TASP1: variants seen among roughly 807,000 people sequenced by gnomAD.
TASP1 encodes taspase 1.
Under a neutral mutation model 56.6 loss-of-function variants are expected in TASP1, and 16 were observed. The ratio of observed to expected loss-of-function variants is 0.28; its 90% CI spans 0.19 to 0.43. The LOEUF is 0.43. Among genes scored for constraint, TASP1 ranks in the 20% least tolerant of loss-of-function variants. The pLI is 1.00. For missense variants in TASP1, 393 were observed against 511.6 expected (o/e 0.77, Z 2.24); for synonymous variants, 179 against 184.2 (o/e 0.97, Z 0.23).
the TASP1 span, among the ~76,000 whole-genome samples, chr20:13,350,268 C>T: frequency 2.0e-5 from 3 of 152,058 alleles, no homozygotes; most frequent in East Asian, 5.8e-4. Flanking sequence ...ATACTGCATC[C>T]ATGGACTGGA....
At chr20:13,462,775 A>AAT (rs2044102218) in intron 11 of TASP1, among the ~76,000 whole-genome samples, 1 of 152,178 alleles carries the variant, frequency 6.6e-6, no homozygotes, top group African/African-American at 2.4e-5. Context: ...ATCCATTTAC[A>AAT]ATAGCATTAA....
At chr20:13,420,770 A>G (rs1041589029) in intron 12 of TASP1, among the ~76,000 whole-genome samples, 1 of 152,202 alleles carries the variant, frequency 6.6e-6, no homozygotes, top group Non-Finnish European at 1.5e-5. Flanking sequence ...TGAGGCTCAG[A>G]GAAGGGAAGC....
At chr20:13,214,062 A>G in the TASP1 span, among the ~76,000 whole-genome samples, 1 of 152,188 alleles carries the variant, frequency 6.6e-6, no homozygotes, top group Non-Finnish European at 1.5e-5. Context: ...GACAGAAAAG[A>G]GTCGCTGTAA....
At chr20:13,473,500 C>T (rs899881499) in intron 11 of TASP1, among the ~76,000 whole-genome samples, 1 of 151,964 alleles carries the variant, frequency 6.6e-6, no homozygotes, top group South Asian at 2.1e-4. Flanking sequence ...AATAATATAT[C>T]TTAAAAAAAC....
At chr20:13,581,865 A>C (rs2047137902) in intron 5 of TASP1, among the ~76,000 whole-genome samples, 1 of 152,204 alleles carries the variant, frequency 6.6e-6, no homozygotes, top group Admixed American at 6.5e-5. Flanking sequence ...ATTAATGAGA[A>C]AACATTTATA....
At chr20:13,393,723 C>A in intron 13 of TASP1, 1 of 879,206 alleles carries the variant, frequency 1.1e-6, no homozygotes, top group Non-Finnish European at 1.8e-6. Context: ...AAGAGAGAGG[C>A]CCTCAGCTGC....
At chr20:13,338,572 A>C in the TASP1 span, among the ~76,000 whole-genome samples, 1 of 152,176 alleles carries the variant, frequency 6.6e-6, no homozygotes, top group Non-Finnish European at 1.5e-5. Context: ...AATAAGTCCT[A>C]CCATGATGAA....
chr20:13,279,784 G>C, the TASP1 span: 1 of 1,614,034 alleles, frequency 6.2e-7, no homozygotes, highest in Non-Finnish European at 8.5e-7. Flanking sequence ...CGGGGACCAG[G>C]ACTACAAGTA....
chr20:13,186,347 T>C, the TASP1 span, among the ~76,000 whole-genome samples: 1 of 152,200 alleles, frequency 6.6e-6, no homozygotes, highest in Admixed American at 6.5e-5. Context: ...GGGAAAGGGA[T>C]ATTTCTCTTA....
intron 11 of TASP1, 148 bp from the exon 12 acceptor site, chr20:13,435,302 T>C (rs2042962293): frequency 1.6e-6 from 1 of 638,834 alleles, no homozygotes; most frequent in Non-Finnish European, 2.7e-6. Flanking sequence ...CATTATATAC[T>C]TGATGGCAAA....
At chr20:13,209,860 T>C in the TASP1 span, among the ~76,000 whole-genome samples, 4 of 152,186 alleles carry the variant, frequency 2.6e-5, no homozygotes, top group African/African-American at 9.7e-5. Flanking sequence ...CTTATTTCTG[T>C]TTATTGAAGT....
intron 10 of TASP1, among the ~76,000 whole-genome samples, chr20:13,509,906 G>A (rs1240027066): frequency 2.0e-5 from 3 of 152,116 alleles, no homozygotes; most frequent in East Asian, 1.9e-4. Context: ...GATTACAGGC[G>A]TGAGCCACCA....
chr20:13,266,899 C>T, the TASP1 span, among the ~76,000 whole-genome samples: 1 of 152,276 alleles, frequency 6.6e-6, no homozygotes, highest in Admixed American at 6.5e-5. Flanking sequence ...GACTGATGTC[C>T]TCAACCAGGA....
the TASP1 span, among the ~76,000 whole-genome samples, chr20:13,290,923 C>T: frequency 3.3e-5 from 5 of 152,192 alleles, no homozygotes; most frequent in Non-Finnish European, 7.3e-5. Flanking sequence ...GAATTTGAAT[C>T]CGGACAGTCT....
chr20:13,365,095 T>C, the TASP1 span, among the ~76,000 whole-genome samples: 2 of 152,352 alleles, frequency 1.3e-5, no homozygotes, highest in South Asian at 4.1e-4. Context: ...TGTCTCTTAT[T>C]TTCATATAAT....
intron 4 of TASP1, among the ~76,000 whole-genome samples, chr20:13,622,009 T>A (rs767512967): frequency 2.0e-5 from 3 of 152,198 alleles, no homozygotes; most frequent in Non-Finnish European, 4.4e-5. Context: ...CTTTCTTATG[T>A]CATTTTTCTC....
chr20:13,134,517 C>T, the TASP1 span, among the ~76,000 whole-genome samples: 2 of 152,140 alleles, frequency 1.3e-5, no homozygotes, highest in Non-Finnish European at 2.9e-5. Flanking sequence ...GGTCATCATA[C>T]AGCAGTGGTT....
the TASP1 span, among the ~76,000 whole-genome samples, chr20:13,288,070 T>C: frequency 1.3e-5 from 2 of 152,178 alleles, no homozygotes; most frequent in African/African-American, 4.8e-5. Flanking sequence ...ATGGACATCT[T>C]TCACAGTAAC....
the TASP1 span, among the ~76,000 whole-genome samples, chr20:13,301,978 TG>T: frequency 3.9e-5 from 6 of 152,044 alleles, no homozygotes; most frequent in African/African-American, 1.2e-4. Flanking sequence ...CAAGGGGAAG[TG>T]GGTGTATTTG....
Sources: allele counts gnomAD v4.1 joint callset (sites outside exome capture counted in the v4.1 genomes callset), GRCh38; gene constraint gnomAD v4.1.1; transcripts MANE v1.5; gene names NCBI Gene and HGNC (gene_info 2026-07-23, HGNC 2026-07-21).